Variants in MSL2 observed in about 807,000 individuals in gnomAD.
The protein encoded by MSL2 is MSL complex subunit 2.
Under a neutral mutation model 35.8 loss-of-function variants are expected in MSL2, and 2 were observed. That is an observed-to-expected ratio of 0.06 (90% confidence interval 0.02 to 0.18). MSL2 has a LOEUF of 0.18. MSL2 is among the 10% of genes least tolerant of loss of function. The pLI is 1.00. For synonymous variants in MSL2, 296 were observed against 255.7 expected, an observed-to-expected ratio of 1.16 and a Z score of -1.50; for missense variants, 523 against 706.7, an observed-to-expected ratio of 0.74 and a Z score of 2.95.
At chr3:136,154,393 A>T (rs1269109640) in intron 1 of MSL2, among the ~76,000 whole-genome samples, 1 of 152,156 alleles carries the variant, frequency 6.6e-6, no homozygotes, top group Non-Finnish European at 1.5e-5. Context: ...TATACATACA[A>T]ACCAAGAAGG....
In MSL2 at chr3:136,151,224, C is replaced by T. The variant is rs1289905302; in HGVS notation, c.1657G>A (p.Val553Ile). 2.5e-6 allele frequency: 4 copies of T among 1,614,218 alleles called. No individual in the cohort carries two copies. Among genetic ancestry groups the T allele is most frequent in the South Asian group, 1.1e-5 (1 of 91,090 alleles). ...GTACTGGCAGCTAAAAACGTCGTTA[C>T]TGGGGACCCTGTGACATTTATTACA... ...TSVINVTGSP[V>I]TTFLAASTHD... The change falls in exon 2 of 2, where the codon GTA (valine) becomes ATA (isoleucine). Residue 553 changes from valine to isoleucine, a missense_variant. Around this residue, in one of 5 missense-constraint regions of MSL2, gnomAD observed 60 missense variants for 75.1 expected, o/e 0.80. Coordinates refer to ENST00000309993, the MANE Select transcript of MSL2 (RefSeq NM_018133.4). This position sits in a 1 kb window ranked among gnomAD's most constrained non-coding sequence, Gnocchi z 5.2.
chr3:136,162,943 T>C (rs1576360410), intron 1 of MSL2, among the ~76,000 whole-genome samples: 1 of 151,532 alleles, frequency 6.6e-6, no homozygotes, highest in South Asian at 2.1e-4. Context: ...GGATAAAAAG[T>C]CAATGTTAAT....
At chr3:136,158,525 C>G (rs1939600873) in intron 1 of MSL2, among the ~76,000 whole-genome samples, 1 of 151,998 alleles carries the variant, frequency 6.6e-6, no homozygotes, top group East Asian at 1.9e-4. Flanking sequence ...AGGTAAAACA[C>G]AACGCTTTCC....
At chr3:136,192,756 T>A (rs1161494643) in intron 1 of MSL2, among the ~76,000 whole-genome samples, 1 of 152,166 alleles carries the variant, frequency 6.6e-6, no homozygotes, top group Non-Finnish European at 1.5e-5. Context: ...TACAACAGAA[T>A]TAAACTTCAT....
intron 1 of MSL2, among the ~76,000 whole-genome samples, chr3:136,186,181 CTCCT>C (rs1168991858): frequency 6.6e-6 from 1 of 152,136 alleles, no homozygotes; most frequent in African/African-American, 2.4e-5. Context: ...GACCTTTTGA[CTCCT>C]TCAATTTTTC....
chr3:136,158,823 A>T (rs1400981052), intron 1 of MSL2, among the ~76,000 whole-genome samples: 1 of 152,234 alleles, frequency 6.6e-6, no homozygotes, highest in Non-Finnish European at 1.5e-5. Flanking sequence ...TCTATATGCT[A>T]GGAATGAACA....
chr3:136,151,934 A>G lies in MSL2; in HGVS notation c.947T>C (p.Phe316Ser). The G allele has an allele frequency of 1.2e-6, 2 of 1,614,204 alleles. No individual in the cohort carries two copies. The highest frequency in any genetic ancestry group is 1.7e-6 in the Non-Finnish European group (2 of 1,180,042). Residue 316 changes from phenylalanine to serine, a missense_variant, in exon 2 of 2, where the codon TTT becomes TCT. By Grantham distance (155) the Phe-to-Ser change is radical (BLOSUM62 -2). This residue lies in a region of MSL2 where 361 missense variants were observed against 414.6 expected (regional missense o/e 0.87). Coordinates refer to ENST00000309993, the MANE Select transcript of MSL2 (RefSeq NM_018133.4). The surrounding 1 kb of genome is among the most constrained non-coding windows in gnomAD (Gnocchi z 5.2). ...ATGAAGTGCAGGACTGGTGGACATA[A>G]AAACATTATGGCTAAGAGACTGGGA... ...LSSQSLSHNVFMSTSPALHGL... is the reference protein window; with the variant it reads ...LSSQSLSHNVSMSTSPALHGL...
At chr3:136,180,574 CCT>C (rs1940311601) in intron 1 of MSL2, among the ~76,000 whole-genome samples, 1 of 151,298 alleles carries the variant, frequency 6.6e-6, no homozygotes, top group Admixed American at 6.6e-5. Flanking sequence ...GAGGCTGGCA[CCT>C]GTAATCCCAG....
At chr3:136,159,617 G>A (rs1392062721) in intron 1 of MSL2, among the ~76,000 whole-genome samples, 7 of 151,042 alleles carry the variant, frequency 4.6e-5, no homozygotes, top group Admixed American at 2.0e-4. Context: ...TGATCCGCCC[G>A]CCTCGGCCTC....
rs1474000840 is a variant in MSL2, at chr3:136,185,580, A to T, written c.142+9392T>A. 2.0e-5 allele frequency among the ~76,000 whole-genome samples: 3 copies of T among 151,312 alleles called. No homozygotes were observed. In the South Asian group the frequency reaches 6.3e-4, roughly 32 times the overall value. ...AAGGGACAGAGTCTCACTGTCGCCC[A>T]GGCTGGAGTGCAGTGGTGCAATCTT... On this transcript the variant is annotated intron_variant, in intron 1 of 1. Transcript: ENST00000309993.
At chr3:136,183,492 G>C (rs1250130866) in intron 1 of MSL2, among the ~76,000 whole-genome samples, 2 of 152,000 alleles carry the variant, frequency 1.3e-5, no homozygotes, top group African/African-American at 4.8e-5. Flanking sequence ...GCACGACCTC[G>C]ATCACTGCAA....
chr3:136,194,841 T>G, intron 1 of MSL2, 131 bp downstream of exon 1: 2 of 1,401,150 alleles, frequency 1.4e-6, no homozygotes, highest in Non-Finnish European at 1.9e-6. Context: ...TCAAAACTAA[T>G]GACCGTACAG....
intron 1 of MSL2, among the ~76,000 whole-genome samples, chr3:136,189,892 T>A (rs550000667): frequency 6.6e-6 from 1 of 152,228 alleles, no homozygotes; most frequent in East Asian, 1.9e-4. Flanking sequence ...TCTGAAACTT[T>A]ACATGTACAA....
chr3:136,183,820 G>T (rs774341566), intron 1 of MSL2, among the ~76,000 whole-genome samples: 4 of 152,160 alleles, frequency 2.6e-5, no homozygotes, highest in Admixed American at 2.6e-4. Flanking sequence ...AAACTACTAA[G>T]AGTCTGTAAG....
chr3:136,181,997 A>T (rs1333463615), intron 1 of MSL2, among the ~76,000 whole-genome samples: 1 of 152,004 alleles, frequency 6.6e-6, no homozygotes, highest in Non-Finnish European at 1.5e-5. Flanking sequence ...AAAATTTTTT[A>T]ATTTAAAATT....
In MSL2 at chr3:136,149,969, T is replaced by G. The variant is rs1361788103; in HGVS notation, c.*1178A>C. On this transcript the variant is annotated 3_prime_UTR_variant, in exon 2 of 2. Coordinates refer to ENST00000309993, the MANE Select transcript of MSL2 (RefSeq NM_018133.4). ...GGCTGTGCTCTTTCAAGCAACTGAC[T>G]AGATTTCCCTTCAACAGAATGTTTG... 3.9e-5 allele frequency: 6 copies of G among 152,672 alleles called. No homozygotes were observed. Among genetic ancestry groups the G allele is most frequent in the Non-Finnish European group, 7.3e-5 (5 of 68,050 alleles). The allele number at this position is 152,672 out of a possible 1,614,324, so 9.5% of individuals were successfully genotyped here. A position where few individuals can be genotyped will look rare whatever the true frequency, so the allele number is the denominator to read the frequency against.
Position 136,180,799 on chromosome 3 carries a change from AG to A in MSL2, c.142+14172del, listed in dbSNP as rs1559969258. 1.3e-3 allele frequency among the ~76,000 whole-genome samples: 99 copies of A among 74,314 alleles called. 4 individuals carry two copies. The highest frequency in any genetic ancestry group is 5.8e-3 in the East Asian group (14 of 2,394). The allele number at this position is 74,314 out of a possible 152,430, so 48.8% of individuals were successfully genotyped here. A position where few individuals can be genotyped will look rare whatever the true frequency, so the allele number is the denominator to read the frequency against. ...GAGGGAGGGAGGGAGGGAGGGAGGG[AG>A]GGAGGGAGGGAAGGAGGGAAGGAAG... On this transcript the variant is annotated intron_variant, in intron 1 of 1. Coordinates refer to ENST00000309993, the MANE Select transcript of MSL2 (RefSeq NM_018133.4).
intron 1 of MSL2, among the ~76,000 whole-genome samples, chr3:136,165,001 G>C (rs1220190242): frequency 2.6e-5 from 4 of 151,880 alleles, no homozygotes; most frequent in Non-Finnish European, 4.4e-5. Context: ...AGCCTCCCGA[G>C]CAGCTGGGAC....
chr3:136,177,382 A>G (rs1940206259), intron 1 of MSL2, among the ~76,000 whole-genome samples: 1 of 152,218 alleles, frequency 6.6e-6, no homozygotes, highest in Non-Finnish European at 1.5e-5. Flanking sequence ...GTCACTAAAA[A>G]TAATGCTACA....
Sources: gnomAD v4.1 joint callset for allele counts (sites outside exome capture counted in the v4.1 genomes callset) on GRCh38, gnomAD v4.1.1 for gene constraint, gnomAD v4.1.1 regional missense constraint, Gnocchi (gnomAD v3.1) non-coding constraint, MANE v1.5 for transcripts, NCBI Gene and HGNC (gene_info 2026-07-23, HGNC 2026-07-21) for gene names.